The following CFAP20DC variants were observed in gnomAD, a reference collection of about 807,000 sequenced individuals.
CFAP20DC encodes protein CFAP20DC.
In CFAP20DC, 84 loss-of-function variants were observed where a neutral mutation model predicts 101.7. That is an observed-to-expected ratio of 0.83 (90% confidence interval 0.69 to 0.99). The LOEUF (loss-of-function observed/expected upper bound fraction) is 0.99, where lower values mean the gene tolerates loss of function less well. Ranked by LOEUF, CFAP20DC falls within the 50% of genes least tolerant of loss-of-function variation. The pLI is 0.00. For synonymous variants in CFAP20DC, 359 were observed against 351.2 expected, an observed-to-expected ratio of 1.02 and a Z score of -0.25; for missense variants, 1,007 against 970.3, an observed-to-expected ratio of 1.04 and a Z score of -0.50.
chr3:58,812,253 C>A lies in CFAP20DC; in HGVS notation c.2176-5797G>T, dbSNP rs1249210736. Among the ~76,000 whole-genome samples, 6 of 152,178 alleles carry A rather than the reference C, an allele frequency of 3.9e-5. No individual in the cohort carries two copies. In the East Asian group the frequency reaches 1.2e-3, roughly 29 times the overall value. ...TCATGCTGCTATAAAGACACATGCA[C>A]ACGTATGTTTATTGCGGCTCTATTC... On this transcript the variant is annotated intron_variant, in intron 14 of 16. Transcript: ENST00000482387.
At chr3:58,821,218 C>T (rs1346933152) in intron 14 of CFAP20DC, among the ~76,000 whole-genome samples, 5 of 152,112 alleles carry the variant, frequency 3.3e-5, no homozygotes, top group Non-Finnish European at 5.9e-5. Flanking sequence ...CATTACCATT[C>T]AGGACATAGG....
intron 16 of CFAP20DC, among the ~76,000 whole-genome samples, chr3:58,748,503 C>T (rs989951047): frequency 2.0e-5 from 3 of 152,100 alleles, no homozygotes; most frequent in African/African-American, 7.2e-5. Flanking sequence ...TGATTTCCCC[C>T]GTCTGTAATC....
chr3:58,815,146 G>C (rs976569583), intron 14 of CFAP20DC, among the ~76,000 whole-genome samples: 35 of 150,740 alleles, frequency 2.3e-4, no homozygotes, highest in African/African-American at 8.1e-4. Flanking sequence ...CATGGTACTG[G>C]TACCAAAACA....
rs137946641 is a variant in CFAP20DC, at chr3:58,834,080, TC to T, written c.1972-2192del. 3.3e-4 allele frequency among the ~76,000 whole-genome samples: 51 copies of T among 152,278 alleles called. 1 individual carries two copies. The East Asian group carries it at 7.7e-3, about 23-fold the overall frequency. ...AGTGACTACTAGTGGGTGCATGTTT[TC>T]CTTTTGGAGTGATTAAAATGTTCTG... On this transcript the variant is annotated intron_variant, in intron 13 of 16. Transcript: ENST00000482387.
At position 58,826,205 on chromosome 3, in the gene CFAP20DC, A is replaced by G. The variant is rs532078169; in HGVS notation, c.2175+5481T>C. The stretch of plus-strand genomic sequence containing the variant: ...TTAATATCCATTTATCAAATCTTGA[A>G]TTGAAAATATTACATGCATCACTCA... On this transcript the variant is annotated intron_variant, in intron 14 of 16. Coordinates refer to ENST00000482387, the MANE Select transcript of CFAP20DC (RefSeq NM_001394063.1). 2.0e-5 allele frequency among the ~76,000 whole-genome samples: 3 copies of G among 152,346 alleles called. No homozygotes were observed. The South Asian group carries it at 6.2e-4, about 32-fold the overall frequency.
Position 58,866,192 on chromosome 3 carries a change from A to G in CFAP20DC, c.1258+374T>C, listed in dbSNP as rs970612962. Among the ~76,000 whole-genome samples the G allele has an allele frequency of 2.0e-5, 3 of 152,298 alleles. No homozygotes were observed. In the East Asian group the frequency reaches 5.8e-4, roughly 29 times the overall value. ...AAAAACAATTTGCCTTTGTAAAAGT[A>G]GCACACACCTGCTAGGCAAGATATG... On this transcript the variant is annotated intron_variant, in intron 11 of 16. Coordinates refer to ENST00000482387, the MANE Select transcript of CFAP20DC (RefSeq NM_001394063.1).
chr3:58,756,292 G>A (rs534808936), intron 15 of CFAP20DC, among the ~76,000 whole-genome samples: 3 of 152,158 alleles, frequency 2.0e-5, no homozygotes, highest in African/African-American at 4.8e-5. Flanking sequence ...AATTATGGAA[G>A]TTACCGAAAG....
At chr3:58,931,063 A>T (rs529707282) in intron 5 of CFAP20DC, among the ~76,000 whole-genome samples, 37 of 152,292 alleles carry the variant, frequency 2.4e-4, no homozygotes, top group Admixed American at 7.2e-4. Flanking sequence ...GGTCACTCCC[A>T]CCCGAATACT....
chr3:58,808,670 A>C (rs554851785), intron 14 of CFAP20DC, among the ~76,000 whole-genome samples: 7 of 152,302 alleles, frequency 4.6e-5, no homozygotes, highest in Admixed American at 2.0e-4. Context: ...TGAGCAAAAT[A>C]ACCAGCTAAC....
intron 4 of CFAP20DC, among the ~76,000 whole-genome samples, chr3:58,949,857 G>A (rs1011181089): frequency 5.9e-5 from 9 of 152,070 alleles, no homozygotes; most frequent in Non-Finnish European, 1.0e-4. Context: ...TTGAAAACTC[G>A]CACAAGACAG....
chr3:58,989,532 T>C (rs1255609960), intron 4 of CFAP20DC, among the ~76,000 whole-genome samples: 1 of 152,140 alleles, frequency 6.6e-6, no homozygotes, highest in Non-Finnish European at 1.5e-5. Context: ...TAAACTTTTT[T>C]AGATATTCCA....
At chr3:58,923,360 A>AT (rs1013915180) in intron 5 of CFAP20DC, among the ~76,000 whole-genome samples, 25 of 152,070 alleles carry the variant, frequency 1.6e-4, no homozygotes, top group African/African-American at 6.0e-4. Flanking sequence ...AGTATATATA[A>AT]TTTTTTTCAG....
intron 4 of CFAP20DC, among the ~76,000 whole-genome samples, chr3:59,024,226 G>A (rs1293757728): frequency 6.6e-6 from 1 of 152,138 alleles, no homozygotes; most frequent in Non-Finnish European, 1.5e-5. Flanking sequence ...GAAAACTACT[G>A]AAAGAAGGAA....
At chr3:58,836,072 C>T (rs2076717303) in intron 13 of CFAP20DC, among the ~76,000 whole-genome samples, 2 of 152,172 alleles carry the variant, frequency 1.3e-5, no homozygotes, top group African/African-American at 4.8e-5. Flanking sequence ...GCAGGCCAGT[C>T]CTTCTCTCTC....
intron 13 of CFAP20DC, among the ~76,000 whole-genome samples, chr3:58,841,672 A>T (rs1487665025): frequency 1.3e-5 from 2 of 152,218 alleles, no homozygotes; most frequent in East Asian, 3.9e-4. Flanking sequence ...TGATTTTCAA[A>T]AATGGAGATG....
At chr3:58,826,236 T>G (rs568889334) in intron 14 of CFAP20DC, among the ~76,000 whole-genome samples, 133 of 152,354 alleles carry the variant, frequency 8.7e-4, no homozygotes, top group African/African-American at 3.1e-3. Context: ...ACTCAGGATT[T>G]ATTTAAGCAA....
At chr3:58,763,619 T>A (rs775852689) in intron 15 of CFAP20DC, among the ~76,000 whole-genome samples, 1 of 152,320 alleles carries the variant, frequency 6.6e-6, no homozygotes, top group Middle Eastern at 3.4e-3. Context: ...GCACTCTGAT[T>A]TTTAGAGTTT....
At chr3:58,739,012 C>G (rs773894173), downstream of CFAP20DC, among the ~76,000 whole-genome samples, 1 of 152,048 alleles carries the variant, frequency 6.6e-6, no homozygotes, top group African/African-American at 2.4e-5. Flanking sequence ...ACACAGTTTG[C>G]GCCTAAAGAA....
chr3:58,832,738 G>A (rs2076483048), intron 13 of CFAP20DC, among the ~76,000 whole-genome samples: 2 of 152,176 alleles, frequency 1.3e-5, no homozygotes, highest in South Asian at 4.1e-4. Context: ...CAGATCTTTA[G>A]ATGCTAGTAT....
Sources: allele counts gnomAD v4.1 joint callset (sites outside exome capture counted in the v4.1 genomes callset), GRCh38; gene constraint gnomAD v4.1.1; transcripts MANE v1.5; gene names NCBI Gene and HGNC (gene_info 2026-07-23, HGNC 2026-07-21).